BAZ2B: variants seen among roughly 807,000 people sequenced by gnomAD.
The protein encoded by BAZ2B is bromodomain adjacent to zinc finger domain 2B.
Under a neutral mutation model 246.0 loss-of-function variants are expected in BAZ2B, and 91 were observed. The ratio of observed to expected loss-of-function variants is 0.37; its 90% CI spans 0.31 to 0.44. BAZ2B has a LOEUF of 0.44. Among genes scored for constraint, BAZ2B ranks in the 20% least tolerant of loss-of-function variants. The probability of loss-of-function intolerance (pLI) is 1.00; values close to 1 mark genes in which losing one functional copy is unlikely to be tolerated. For missense variants in BAZ2B, 2,332 were observed against 2,533.7 expected (o/e 0.92, Z 1.71); for synonymous variants, 855 against 860.0 (o/e 0.99, Z 0.10).
intron 3 of BAZ2B, chr2:159,464,368 A>G (rs2076781661): frequency 1.3e-5 from 2 of 152,112 alleles, no homozygotes; most frequent in Admixed American, 1.3e-4. Flanking sequence ...GTATTCTGTA[A>G]AATGTCCCTC....
At chr2:159,441,766 C>T (rs899158149) in intron 6 of BAZ2B, among the ~76,000 whole-genome samples, 5 of 152,202 alleles carry the variant, frequency 3.3e-5, no homozygotes, top group African/African-American at 1.2e-4. Context: ...TCTCCTGCCT[C>T]AGCCTTCAAC....
chr2:159,610,189 C>G (rs955404417), intron 1 of BAZ2B, among the ~76,000 whole-genome samples: 2 of 152,208 alleles, frequency 1.3e-5, no homozygotes, highest in Non-Finnish European at 2.9e-5. Flanking sequence ...CAAAGTCCTT[C>G]TGACAACCTA....
intron 28 of BAZ2B, 59 bp downstream of exon 28, chr2:159,349,649 C>T (rs2058349555): frequency 6.8e-7 from 1 of 1,478,646 alleles, no homozygotes; most frequent in Non-Finnish European, 9.1e-7. Context: ...CAAAAATCTC[C>T]ATGGGGTCAA....
At chr2:159,447,407 T>A (rs1009588140) in intron 5 of BAZ2B, among the ~76,000 whole-genome samples, 4 of 152,246 alleles carry the variant, frequency 2.6e-5, no homozygotes, top group African/African-American at 9.6e-5. Context: ...AACTTTGTGT[T>A]TTAATTGTAA....
At chr2:159,501,446 G>A (rs1042979998) in intron 2 of BAZ2B, among the ~76,000 whole-genome samples, 2 of 149,822 alleles carry the variant, frequency 1.3e-5, no homozygotes, top group African/African-American at 4.9e-5. Context: ...GTTTGTGTGT[G>A]AAAACATTCA....
chr2:159,623,009 CAGGAA>C, the BAZ2B span, among the ~76,000 whole-genome samples: 634 of 106,952 alleles, frequency 5.9e-3, 9 homozygotes, highest in Middle Eastern at 0.025. Context: ...AAGAGAGAAA[CAGGAA>C]AGGAAAGAAA....
chr2:159,571,410 C>T (rs932079361), intron 1 of BAZ2B, among the ~76,000 whole-genome samples: 8 of 151,920 alleles, frequency 5.3e-5, no homozygotes, highest in African/African-American at 1.9e-4. Context: ...TGATCTTTAC[C>T]CCTAGTTACT....
chr2:159,384,039 C>T (rs1174195921), intron 23 of BAZ2B, among the ~76,000 whole-genome samples: 2 of 151,944 alleles, frequency 1.3e-5, no homozygotes, highest in Non-Finnish European at 2.9e-5. Flanking sequence ...GATACCAGAA[C>T]ACACATGGAT....
chr2:159,491,910 C>T lies in BAZ2B; in HGVS notation c.-2-13189G>A, dbSNP rs115782375. On this transcript the variant is annotated intron_variant, in intron 2 of 36. Coordinates refer to ENST00000392783, the MANE Select transcript of BAZ2B (RefSeq NM_013450.4). ...TGTTGCTGAAGATAGTCATTATTAC[C>T]ATCCTAATTCTTCTTTTTATTTCTC... 6.6e-3 allele frequency among the ~76,000 whole-genome samples: 1,004 copies of T among 151,846 alleles called. 8 individuals are homozygous for T. The highest frequency in any genetic ancestry group is 0.023 in the African/African-American group (956 of 41,354).
chr2:159,372,535 G>C (rs1046139905), intron 27 of BAZ2B, among the ~76,000 whole-genome samples: 4 of 152,172 alleles, frequency 2.6e-5, no homozygotes, highest in Non-Finnish European at 5.9e-5. Context: ...AGAATATCAT[G>C]AATTTGTGGT....
intron 8 of BAZ2B, among the ~76,000 whole-genome samples, chr2:159,436,193 G>A (rs993189792): frequency 6.6e-6 from 1 of 151,850 alleles, no homozygotes; most frequent in African/African-American, 2.4e-5. Flanking sequence ...AAATATATAG[G>A]TCTAAAGGGC....
At chr2:159,534,772 A>G (rs530131395) in intron 2 of BAZ2B, among the ~76,000 whole-genome samples, 1 of 152,014 alleles carries the variant, frequency 6.6e-6, no homozygotes, top group African/African-American at 2.4e-5. Flanking sequence ...GCACCCAGCT[A>G]ATTTTTGTAT....
intron 2 of BAZ2B, among the ~76,000 whole-genome samples, chr2:159,501,231 T>TA (rs1470131591): frequency 8.6e-6 from 1 of 116,712 alleles, no homozygotes. Context: ...TATATTTATA[T>TA]ATATATATAT....
chr2:159,682,491 A>G, the BAZ2B span, among the ~76,000 whole-genome samples: 3 of 151,952 alleles, frequency 2.0e-5, no homozygotes, highest in Admixed American at 6.6e-5. Flanking sequence ...GGCTCTTTCT[A>G]TTGGCCAAAA....
intron 20 of BAZ2B, 117 bp downstream of exon 20, chr2:159,395,652 G>T: frequency 2.2e-6 from 2 of 913,908 alleles, no homozygotes; most frequent in Non-Finnish European, 1.6e-6. Context: ...GTTTGCATAT[G>T]AAAACCAGTA....
At chr2:159,604,984 A>C (rs552899593) in intron 1 of BAZ2B, among the ~76,000 whole-genome samples, 6 of 151,982 alleles carry the variant, frequency 3.9e-5, no homozygotes, top group East Asian at 3.9e-4. Flanking sequence ...AGAGAGAGAG[A>C]GCCAGGATCA....
At chr2:159,545,049 C>T (rs1017614376) in intron 2 of BAZ2B, among the ~76,000 whole-genome samples, 6 of 152,038 alleles carry the variant, frequency 3.9e-5, no homozygotes, top group Non-Finnish European at 7.4e-5. Flanking sequence ...AATGTACTTG[C>T]TATATTATTC....
At position 159,438,539 on chromosome 2, in the gene BAZ2B, G is replaced by GGAAAATAA. The variant is rs1214733152; in HGVS notation, c.1056_1057insTTATTTTC (p.Gln353LeufsTer19). The GGAAAATAA allele has an allele frequency of 6.2e-7, 1 of 1,614,028 alleles. No homozygotes were observed. On this transcript the variant is annotated frameshift_variant, in exon 8 of 37. Coordinates refer to ENST00000392783, the MANE Select transcript of BAZ2B (RefSeq NM_013450.4). LOFTEE classifies it high-confidence loss of function. ...GAGCTTTGGAAAATAAATGGAAGCT[G>GGAAAATAA]CTGTGACAAAACCTGAGGCTGCTTC...
chr2:159,655,356 C>T, the BAZ2B span, among the ~76,000 whole-genome samples: 6 of 152,224 alleles, frequency 3.9e-5, no homozygotes, highest in African/African-American at 1.2e-4. Flanking sequence ...CATAAACCCA[C>T]CTCCAGGACT....
Sources: allele counts gnomAD v4.1 joint callset (sites outside exome capture counted in the v4.1 genomes callset), GRCh38; gene constraint gnomAD v4.1.1; transcripts MANE v1.5; gene names NCBI Gene and HGNC (gene_info 2026-07-23, HGNC 2026-07-21).